GABRA1: variants seen among roughly 807,000 people sequenced by gnomAD.
GABRA1 encodes gamma-aminobutyric acid receptor subunit alpha-1.
In GABRA1, 9 loss-of-function variants were observed where a neutral mutation model predicts 48.9. That is an observed-to-expected ratio of 0.18 (90% CI 0.11 to 0.32). The LOEUF (loss-of-function observed/expected upper bound fraction) is 0.32, where lower values mean the gene tolerates loss of function less well. GABRA1 is among the 10% of genes least tolerant of loss of function. The pLI is 1.00. For synonymous variants in GABRA1, 210 were observed against 198.7 expected (o/e 1.06, Z -0.48); for missense variants, 285 against 553.8 (o/e 0.51, Z 4.87).
intron 3 of GABRA1, among the ~76,000 whole-genome samples, chr5:161,858,193 A>T (rs1010888315): frequency 3.3e-5 from 5 of 151,566 alleles, no homozygotes; most frequent in African/African-American, 1.2e-4. Context: ...AAATTTTCCC[A>T]GGAAATTCAT....
chr5:161,862,803 A>G (rs540308522), intron 3 of GABRA1, among the ~76,000 whole-genome samples: 9 of 152,108 alleles, frequency 5.9e-5, no homozygotes, highest in African/African-American at 2.2e-4. Flanking sequence ...TGTTATTTGA[A>G]CATCACTCCA....
Position 161,850,805 on chromosome 5 carries a change from C to T in GABRA1, c.-6C>T, listed in dbSNP as rs1421737328. ...TTATTCTACTTTTCAGCTGCTCCAG[C>T]CCGCGATGAGGAAAAGTCCAGGTCT... On this transcript the variant is annotated 5_prime_UTR_variant, in exon 2 of 10. Transcript: ENST00000393943. 2 of 1,613,818 alleles carry T rather than the reference C, an allele frequency of 1.2e-6. No homozygotes were observed. The highest frequency in any genetic ancestry group is 1.7e-6 in the Non-Finnish European group (2 of 1,179,846).
intron 5 of GABRA1, among the ~76,000 whole-genome samples, chr5:161,875,275 T>C (rs2113387983): frequency 6.6e-6 from 1 of 152,328 alleles, no homozygotes; most frequent in South Asian, 2.1e-4. Context: ...TTGCTATAGC[T>C]GAGTGGATTA....
At chr5:161,869,156 G>A (rs1170556501) in intron 4 of GABRA1, among the ~76,000 whole-genome samples, 1 of 152,136 alleles carries the variant, frequency 6.6e-6, no homozygotes, top group Non-Finnish European at 1.5e-5. Flanking sequence ...AAGGCAGAAA[G>A]ACAAAGCTAT....
chr5:161,895,088 T>G (rs560489997), intron 8 of GABRA1, among the ~76,000 whole-genome samples: 1 of 152,188 alleles, frequency 6.6e-6, no homozygotes, highest in South Asian at 2.1e-4. Context: ...TTTCTATCTA[T>G]ATATGTCAGA....
At chr5:161,875,687 C>A in intron 6 of GABRA1, 45 bp downstream of exon 6, 1 of 1,353,536 alleles carries the variant, frequency 7.4e-7, no homozygotes, top group Non-Finnish European at 1.1e-6. Context: ...AGTCATTAAG[C>A]AAGAGATCTC....
intron 7 of GABRA1, among the ~76,000 whole-genome samples, chr5:161,883,546 G>T (rs1466774744): frequency 6.6e-6 from 1 of 152,022 alleles, no homozygotes; most frequent in African/African-American, 2.4e-5. Flanking sequence ...AAAAATACAT[G>T]CCCCACAAAG....
chr5:161,871,848 G>A (rs1441820492), intron 4 of GABRA1, among the ~76,000 whole-genome samples: 1 of 152,066 alleles, frequency 6.6e-6, no homozygotes, highest in African/African-American at 2.4e-5. Context: ...ACTATATCTG[G>A]TGCATTATAA....
intron 3 of GABRA1, among the ~76,000 whole-genome samples, chr5:161,854,702 G>A (rs1159591916): frequency 3.3e-5 from 5 of 151,510 alleles, no homozygotes; most frequent in Admixed American, 2.0e-4. Context: ...CCACTATTAT[G>A]TGTTAAATTG....
At chr5:161,870,188 G>A (rs1754044173) in intron 4 of GABRA1, among the ~76,000 whole-genome samples, 1 of 152,132 alleles carries the variant, frequency 6.6e-6, no homozygotes, top group African/African-American at 2.4e-5. Flanking sequence ...AGGCCACTCA[G>A]CAGGTAGGTT....
At chr5:161,872,300 T>C (rs1201717276) in intron 4 of GABRA1, 2 of 152,586 alleles carry the variant, frequency 1.3e-5, no homozygotes, top group Non-Finnish European at 2.9e-5. Flanking sequence ...TGTTTTCAGA[T>C]TAGCAGATGT....
chr5:161,890,814 A>G, intron 7 of GABRA1, 84 bp from the exon 8 acceptor site: 3 of 1,247,744 alleles, frequency 2.4e-6, no homozygotes, highest in Non-Finnish European at 3.5e-6. Flanking sequence ...TAATTCCCAG[A>G]CCTTTGGTAC....
At chr5:161,894,801 T>C (rs1185379399) in intron 8 of GABRA1, among the ~76,000 whole-genome samples, 3 of 152,180 alleles carry the variant, frequency 2.0e-5, no homozygotes, top group African/African-American at 7.2e-5. Context: ...TAACATATAA[T>C]TGTGTAAGTA....
chr5:161,864,711 G>A (rs998139556), intron 3 of GABRA1, among the ~76,000 whole-genome samples: 1 of 151,338 alleles, frequency 6.6e-6, no homozygotes, highest in African/African-American at 2.4e-5. Context: ...AACTCTTTAA[G>A]GACTCAAGAG....
intron 4 of GABRA1, among the ~76,000 whole-genome samples, chr5:161,870,311 C>A (rs1754050457): frequency 6.6e-6 from 1 of 152,056 alleles, no homozygotes; most frequent in Non-Finnish European, 1.5e-5. Flanking sequence ...CCTATAATCC[C>A]AGCACTTTGG....
At chr5:161,852,980 G>A (rs901091389) in intron 2 of GABRA1, among the ~76,000 whole-genome samples, 37 of 151,916 alleles carry the variant, frequency 2.4e-4, no homozygotes, top group Middle Eastern at 3.4e-3. Flanking sequence ...TCAACACACA[G>A]GAATGAAGCC....
At chr5:161,885,915 G>A (rs1754824228) in intron 7 of GABRA1, among the ~76,000 whole-genome samples, 1 of 152,068 alleles carries the variant, frequency 6.6e-6, no homozygotes, top group African/African-American at 2.4e-5. Context: ...CACGGTGACT[G>A]GGCTTGAAGA....
chr5:161,891,215 T>A (rs1197151326), intron 8 of GABRA1, among the ~76,000 whole-genome samples, 165 bp downstream of exon 8: 1 of 152,242 alleles, frequency 6.6e-6, no homozygotes, highest in Non-Finnish European at 1.5e-5. Context: ...ATATATTTTT[T>A]AAAACTATTT....
At chr5:161,896,867 T>A (rs978594600) in intron 9 of GABRA1, among the ~76,000 whole-genome samples, 3 of 152,188 alleles carry the variant, frequency 2.0e-5, no homozygotes, top group Admixed American at 6.5e-5. Context: ...AAGAAAATCC[T>A]CTGTAGTGGT....
Sources: allele counts gnomAD v4.1 joint callset (sites outside exome capture counted in the v4.1 genomes callset), GRCh38; gene constraint gnomAD v4.1.1; transcripts MANE v1.5; gene names NCBI Gene and HGNC (gene_info 2026-07-23, HGNC 2026-07-21).